Variants in TCF4 observed in about 807,000 individuals in gnomAD.
The protein encoded by TCF4 is SL3-3 enhancer factor 2.
In TCF4, 3 loss-of-function variants were observed where a neutral mutation model predicts 82.1. That is an observed-to-expected ratio of 0.04 (90% CI 0.02 to 0.09). TCF4 has a LOEUF of 0.09. TCF4 is among the 10% of genes least tolerant of loss of function. TCF4 has a pLI of 1.00. For synonymous variants in TCF4, 276 were observed against 309.6 expected, an observed-to-expected ratio of 0.89 and a Z score of 1.14; for missense variants, 518 against 852.7, an observed-to-expected ratio of 0.61 and a Z score of 4.89.
intron 5 of TCF4, among the ~76,000 whole-genome samples, chr18:55,454,030 T>C (rs1253830042): frequency 6.6e-6 from 1 of 151,942 alleles, no homozygotes; most frequent in African/African-American, 2.4e-5. Flanking sequence ...ACCCAGCTAA[T>C]TTTTTTATTA....
chr18:55,229,955 C>T (rs59770744), intron 17 of TCF4: 16,354 of 151,948 alleles, frequency 0.11, 1,002 homozygotes, highest in African/African-American at 0.13. Flanking sequence ...CCAGCCTGGA[C>T]GATATAGTGA....
At chr18:55,302,510 C>A (rs910591668) in intron 8 of TCF4, 7 of 1,536,022 alleles carry the variant, frequency 4.6e-6, no homozygotes, top group Non-Finnish European at 5.2e-6. Context: ...GCTGATTGGT[C>A]AGACATGGCT....
At chr18:55,229,188 G>T in intron 17 of TCF4, 112 bp from the exon 18 acceptor site, 1 of 1,224,096 alleles carries the variant, frequency 8.2e-7, no homozygotes, top group Non-Finnish European at 1.2e-6. Context: ...CTTATGCCAT[G>T]TTTTTGGCAG....
intron 5 of TCF4, among the ~76,000 whole-genome samples, chr18:55,436,529 T>C (rs1337633069): frequency 1.3e-5 from 2 of 152,242 alleles, no homozygotes; most frequent in Non-Finnish European, 2.9e-5. Context: ...ATTTTCTCTC[T>C]GCATCTTAAT....
intron 6 of TCF4, among the ~76,000 whole-genome samples, chr18:55,382,076 T>C (rs895974332): frequency 2.6e-5 from 4 of 152,102 alleles, no homozygotes; most frequent in Non-Finnish European, 5.9e-5. Context: ...AATAATTCTA[T>C]AGAGAAAAAT....
intron 6 of TCF4, among the ~76,000 whole-genome samples, chr18:55,362,835 T>TCA (rs2085830726): frequency 6.6e-6 from 1 of 152,216 alleles, no homozygotes; most frequent in African/African-American, 2.4e-5. Context: ...ATTTAGATAT[T>TCA]CAGCATACGA....
At chr18:55,260,331 G>A (rs553365771) in intron 12 of TCF4, among the ~76,000 whole-genome samples, 1 of 149,982 alleles carries the variant, frequency 6.7e-6, no homozygotes, top group East Asian at 2.0e-4. Flanking sequence ...CAGATACTTT[G>A]AACTTTCCTT....
intron 3 of TCF4, among the ~76,000 whole-genome samples, chr18:55,565,305 T>TAA (rs531748404): frequency 2.2e-5 from 3 of 139,076 alleles, no homozygotes; most frequent in Non-Finnish European, 1.6e-5. Context: ...TGTTCAACAT[T>TAA]AAAAAAAAAA....
intron 3 of TCF4, among the ~76,000 whole-genome samples, chr18:55,504,495 T>C (rs2096733166): frequency 2.0e-5 from 3 of 152,230 alleles, no homozygotes; most frequent in African/African-American, 7.2e-5. Flanking sequence ...ACACTGTAAT[T>C]CTTCAATGCT....
intron 2 of TCF4, chr18:55,585,860 G>C: frequency 1.7e-6 from 2 of 1,164,354 alleles, no homozygotes; most frequent in Non-Finnish European, 2.1e-6. Flanking sequence ...TTTGAAGCAA[G>C]ACTCTCTCTC....
At chr18:55,622,725 G>T (rs2097722642) in intron 2 of TCF4, among the ~76,000 whole-genome samples, 1 of 152,082 alleles carries the variant, frequency 6.6e-6, no homozygotes, top group East Asian at 1.9e-4. Context: ...CCATCCAGAT[G>T]CTCTTTCCAC....
intron 3 of TCF4, among the ~76,000 whole-genome samples, chr18:55,558,548 C>T (rs1188026134): frequency 6.6e-6 from 1 of 152,128 alleles, no homozygotes; most frequent in African/African-American, 2.4e-5. Context: ...CATACAAAAT[C>T]TAAGTATTTC....
At chr18:55,255,662 G>A (rs1246044386) in intron 14 of TCF4, among the ~76,000 whole-genome samples, 1 of 152,142 alleles carries the variant, frequency 6.6e-6, no homozygotes, top group African/African-American at 2.4e-5. Context: ...TTTCACGTGT[G>A]TATGGGCAGG....
chr18:55,265,467 G>A (rs946391385), intron 11 of TCF4: 2 of 152,116 alleles, frequency 1.3e-5, no homozygotes, highest in African/African-American at 4.8e-5. Context: ...GGATTCCTAG[G>A]AATTCAGGGG....
At chr18:55,322,486 G>C (rs539635272) in intron 8 of TCF4, 1 of 1,003,868 alleles carries the variant, frequency 1.0e-6, no homozygotes, top group South Asian at 4.7e-5. Context: ...AGGAGAGAGG[G>C]GGCAGTGTTT....
intron 2 of TCF4, among the ~76,000 whole-genome samples, chr18:55,605,393 C>G (rs948532250): frequency 6.6e-6 from 1 of 152,172 alleles, no homozygotes; most frequent in Non-Finnish European, 1.5e-5. Context: ...ATGGTGTGAG[C>G]TGAGTTTCAA....
chr18:55,464,436 T>C (rs2095958261), intron 3 of TCF4, among the ~76,000 whole-genome samples: 2 of 152,232 alleles, frequency 1.3e-5, no homozygotes, highest in Admixed American at 1.3e-4. Context: ...TAAAGTTTTA[T>C]TACAATCTTT....
In TCF4 at chr18:55,624,908, C is replaced by T. The variant is rs115688632; in HGVS notation, c.286+6390G>A. Among the ~76,000 whole-genome samples, 837 of 152,272 alleles carry T rather than the reference C, an allele frequency of 5.5e-3. 5 individuals carry two copies. The highest frequency in any genetic ancestry group is 0.019 in the African/African-American group (795 of 41,542). On this transcript the variant is annotated intron_variant, in intron 2 of 20. Coordinates refer to the TCF4 transcript ENST00000398339. ...GCCACAAACTCTTCAGTGTCAAATG[C>T]CTGACCCTTCCTCATCCTAGTACCA... is the stretch of plus-strand genomic sequence containing the variant.
intron 2 of TCF4, among the ~76,000 whole-genome samples, chr18:55,612,877 G>A (rs1401955684): frequency 6.6e-6 from 1 of 152,082 alleles, no homozygotes; most frequent in Non-Finnish European, 1.5e-5. Flanking sequence ...GAATTCAGGA[G>A]GCAGAGGTTG....
Sources: gnomAD v4.1 joint callset for allele counts (sites outside exome capture counted in the v4.1 genomes callset) on GRCh38, gnomAD v4.1.1 for gene constraint, MANE v1.5 for transcripts, NCBI Gene and HGNC (gene_info 2026-07-23, HGNC 2026-07-21) for gene names.